MGAT4C: variants seen among roughly 807,000 people sequenced by gnomAD.
MGAT4C encodes the protein alpha-1,3-mannosyl-glycoprotein 4-beta-N-acetylglucosaminyltransferase C.
Under a neutral mutation model 40.1 loss-of-function variants are expected in MGAT4C, and 19 were observed. The ratio of observed to expected loss-of-function variants is 0.47; its 90% CI spans 0.33 to 0.70. MGAT4C has a LOEUF of 0.70. MGAT4C is among the 30% of genes least tolerant of loss of function. The pLI is 0.02. For synonymous variants in MGAT4C, 181 were observed against 187.1 expected (o/e 0.97, Z 0.27); for missense variants, 491 against 563.2 (o/e 0.87, Z 1.30).
intron 2 of MGAT4C, among the ~76,000 whole-genome samples, chr12:86,439,250 T>A (rs748329916): frequency 9.2e-5 from 14 of 152,012 alleles, no homozygotes; most frequent in Non-Finnish European, 1.9e-4. Flanking sequence ...CAATAAATTT[T>A]AAAAACTTGA....
At chr12:86,604,849 C>T (rs1027529807) in intron 2 of MGAT4C, among the ~76,000 whole-genome samples, 1 of 152,034 alleles carries the variant, frequency 6.6e-6, no homozygotes, top group African/African-American at 2.4e-5. Context: ...AAAAAAGCTT[C>T]GGTTCTCATC....
chr12:86,381,724 T>C (rs1955932736), intron 3 of MGAT4C, among the ~76,000 whole-genome samples: 1 of 152,222 alleles, frequency 6.6e-6, no homozygotes, highest in South Asian at 2.1e-4. Context: ...GCATCTGATA[T>C]GGTTTGGCTG....
chr12:86,436,374 T>G (rs1309987539), intron 2 of MGAT4C, among the ~76,000 whole-genome samples: 1 of 151,804 alleles, frequency 6.6e-6, no homozygotes, highest in Admixed American at 6.6e-5. Flanking sequence ...GCTAGTCTTT[T>G]AAGACAACAG....
At position 85,970,822 on chromosome 12, in the gene MGAT4C, T is replaced by C. The variant is rs1883587787; in HGVS notation, c.*8467A>G. 6.6e-6 allele frequency: 1 copy of C among 151,338 alleles called. No individual in the cohort carries two copies. Among genetic ancestry groups the C allele is most frequent in the Non-Finnish European group, 1.5e-5 (1 of 67,412 alleles). The allele number at this position is 151,338 out of a possible 1,614,324, so 9.4% of individuals were successfully genotyped here. ...ACTAATGTGAAATGTTGATATAGTA[T>C]GTACAACTTGTTTCTTAAGTTACTA... On this transcript the variant is annotated 3_prime_UTR_variant, in exon 5 of 5. Transcript: ENST00000611864.
chr12:86,055,796 T>C (rs1035099715), intron 1 of MGAT4C, among the ~76,000 whole-genome samples: 7 of 152,034 alleles, frequency 4.6e-5, no homozygotes, highest in Admixed American at 2.0e-4. Flanking sequence ...TAGTATCTTG[T>C]TTTCATTTGA....
chr12:86,402,284 G>A (rs1205856550), intron 3 of MGAT4C, among the ~76,000 whole-genome samples: 1 of 152,024 alleles, frequency 6.6e-6, no homozygotes, highest in Non-Finnish European at 1.5e-5. Context: ...AACTAGCAAG[G>A]CGTGGTGGCA....
chr12:86,403,552 G>GT (rs201325261), intron 3 of MGAT4C, among the ~76,000 whole-genome samples: 66 of 151,792 alleles, frequency 4.3e-4, no homozygotes, highest in African/African-American at 1.4e-3. Context: ...CCCATCTGAT[G>GT]TTTTTTTTCT....
At chr12:85,986,715 A>G (rs1565817379) in intron 3 of MGAT4C, among the ~76,000 whole-genome samples, 1 of 152,202 alleles carries the variant, frequency 6.6e-6, no homozygotes, top group Non-Finnish European at 1.5e-5. Context: ...GTGCGTAGCA[A>G]ATTGCATACA....
chr12:86,470,703 C>T (rs1209740365), intron 2 of MGAT4C, among the ~76,000 whole-genome samples: 1 of 152,230 alleles, frequency 6.6e-6, no homozygotes, highest in African/African-American at 2.4e-5. Flanking sequence ...TTATGGATAT[C>T]TGCAACTGTG....
intron 1 of MGAT4C, among the ~76,000 whole-genome samples, chr12:86,738,307 A>C (rs904571109): frequency 6.6e-6 from 1 of 151,360 alleles, no homozygotes; most frequent in Non-Finnish European, 1.5e-5. Flanking sequence ...ATTCCAGCCA[A>C]ACTACCCCAA....
intron 2 of MGAT4C, among the ~76,000 whole-genome samples, chr12:86,650,825 C>T (rs1404599181): frequency 1.3e-5 from 2 of 151,882 alleles, no homozygotes; most frequent in African/African-American, 4.8e-5. Flanking sequence ...ATAGGGACTG[C>T]TGTGTGTTGC....
At chr12:86,612,199 G>A (rs1962304464) in intron 2 of MGAT4C, among the ~76,000 whole-genome samples, 1 of 151,970 alleles carries the variant, frequency 6.6e-6, no homozygotes, top group South Asian at 2.1e-4. Flanking sequence ...AATGCATTAT[G>A]CTACTTGAGA....
intron 4 of MGAT4C, among the ~76,000 whole-genome samples, chr12:86,333,197 A>G (rs944919772): frequency 1.3e-5 from 2 of 152,194 alleles, no homozygotes; most frequent in African/African-American, 4.8e-5. Flanking sequence ...TCACTTTCAA[A>G]GATAAAGCCA....
intron 1 of MGAT4C, among the ~76,000 whole-genome samples, chr12:86,156,567 C>A (rs1884960120): frequency 6.6e-6 from 1 of 152,186 alleles, no homozygotes; most frequent in Non-Finnish European, 1.5e-5. Context: ...GTGAGCTGCC[C>A]ACCTTGGCCT....
At chr12:86,746,001 G>A (rs1185786099) in intron 1 of MGAT4C, among the ~76,000 whole-genome samples, 2 of 151,582 alleles carry the variant, frequency 1.3e-5, no homozygotes, top group African/African-American at 4.8e-5. Flanking sequence ...GCCTCAGTGA[G>A]GACTATTACT....
In MGAT4C at chr12:85,976,085, T is replaced by C. The variant is rs1423145627; in HGVS notation, c.*3204A>G. The C allele has an allele frequency of 6.6e-6, 1 of 151,062 alleles. No individual in the cohort carries two copies. The highest frequency in any genetic ancestry group is 2.1e-4 in the South Asian group (1 of 4,828). 9.4% of individuals were successfully genotyped at this position (151,062 alleles called of 1,614,324 possible). On this transcript the variant is annotated 3_prime_UTR_variant, in exon 5 of 5. Coordinates refer to ENST00000611864, the MANE Select transcript of MGAT4C (RefSeq NM_001351288.2). ...CACATCATATATTACAATTTGAAAA[T>C]GTTTGTTTCATTTTTTATATAATTA...
intron 4 of MGAT4C, among the ~76,000 whole-genome samples, chr12:86,319,201 C>T (rs1035000269): frequency 2.0e-5 from 3 of 152,148 alleles, no homozygotes; most frequent in Non-Finnish European, 2.9e-5. Context: ...AGATGACTTC[C>T]TATGTCCTCT....
At chr12:86,623,407 G>A (rs745788580) in intron 2 of MGAT4C, among the ~76,000 whole-genome samples, 2 of 151,992 alleles carry the variant, frequency 1.3e-5, no homozygotes, top group African/African-American at 4.8e-5. Context: ...GACTTAAAAC[G>A]GGTTATATTT....
At chr12:86,758,383 T>TTC in intron 1 of MGAT4C, among the ~76,000 whole-genome samples, 1 of 125,596 alleles carries the variant, frequency 8.0e-6, no homozygotes, top group Non-Finnish European at 1.7e-5. Flanking sequence ...TCCTTTTTTT[T>TTC]TTTTTTTAAA....
Sources: allele counts gnomAD v4.1 joint callset (sites outside exome capture counted in the v4.1 genomes callset), GRCh38; gene constraint gnomAD v4.1.1; transcripts MANE v1.5; gene names NCBI Gene and HGNC (gene_info 2026-07-23, HGNC 2026-07-21).